The following VPS11 variants were observed in gnomAD, a reference collection of about 807,000 sequenced individuals.
VPS11 encodes VPS11 core subunit of CORVET and HOPS complexes.
In VPS11, 51 loss-of-function variants were observed where a neutral mutation model predicts 106.8. That is an observed-to-expected ratio of 0.48 (90% CI 0.38 to 0.60). VPS11 has a LOEUF of 0.60. VPS11 is among the 20% of genes least tolerant of loss of function. VPS11 has a pLI of 0.00. For synonymous variants in VPS11, 453 were observed against 458.7 expected, an observed-to-expected ratio of 0.99 and a Z score of 0.16; for missense variants, 950 against 1,190.0, an observed-to-expected ratio of 0.80 and a Z score of 2.97.
rs782185125 is a variant in VPS11 at position 119,070,433 on chromosome 11, G to A, written c.636+36G>A. ...GGCCTCCACTCTTAGGAGCAGGCAG[G>A]GAGGGCTTCTCCATTGTTCAGGGGG... On this transcript the variant is annotated intron_variant, in intron 4 of 15. Coordinates refer to ENST00000621676, the MANE Select transcript of VPS11 (RefSeq NM_021729.6). 4 of 1,582,084 alleles carry A rather than the reference G, an allele frequency of 2.5e-6. No homozygotes were observed. The Admixed American group carries it at 5.2e-5, about 21-fold the overall frequency.
At chr11:119,068,170 T>C (rs1055918020) in intron 1 of VPS11, 160 bp downstream of exon 1, 89 of 806,538 alleles carry the variant, frequency 1.1e-4, no homozygotes, top group Non-Finnish European at 1.6e-4. Context: ...AGGAAGTCCA[T>C]CTCCTAACTT....
chr11:119,069,352 C>A lies in VPS11; in HGVS notation c.336+8C>A. 2 of 1,613,892 alleles carry A rather than the reference C, an allele frequency of 1.2e-6. No individual in the cohort carries two copies. Among genetic ancestry groups the A allele is most frequent in the Non-Finnish European group, 1.7e-6 (2 of 1,179,870 alleles). ...GAGGGCATCAACCCCTTGGTGAGTC[C>A]CAGCAGGGAAATGGGAAAGATCCAG... is the stretch of plus-strand genomic sequence containing the variant. On this transcript the variant is annotated splice_region_variant and intron_variant, in intron 2 of 15. Coordinates refer to ENST00000621676, the MANE Select transcript of VPS11 (RefSeq NM_021729.6).
chr11:119,068,076 C>G, intron 1 of VPS11, 66 bp downstream of exon 1: 1 of 1,490,710 alleles, frequency 6.7e-7, no homozygotes, highest in Non-Finnish European at 9.0e-7. Context: ...AGGATGAAAT[C>G]TGTTTGTCGG....
chr11:119,071,160 GC>G (rs1028829537), intron 4 of VPS11, among the ~76,000 whole-genome samples: 31 of 151,738 alleles, frequency 2.0e-4, no homozygotes, highest in Middle Eastern at 6.8e-3. Flanking sequence ...GAACTCCTGG[GC>G]CCAAGCAATC....
At chr11:119,075,453 C>T (rs1945569496) in intron 7 of VPS11, among the ~76,000 whole-genome samples, 2 of 151,148 alleles carry the variant, frequency 1.3e-5, no homozygotes, top group South Asian at 4.2e-4. Context: ...TCCTGTAATC[C>T]CAGCACTTTG....
chr11:119,070,918 T>C (rs1945361203), intron 4 of VPS11: 1 of 131,914 alleles, frequency 7.6e-6, no homozygotes. Context: ...GAATTTTATT[T>C]CTAACTAGCT....
intron 6 of VPS11, 126 bp downstream of exon 6, chr11:119,073,525 AG>A: frequency 8.1e-7 from 1 of 1,233,932 alleles, no homozygotes; most frequent in South Asian, 1.5e-5. Flanking sequence ...CAGCTTCCTT[AG>A]GGTAGGATTA....
chr11:119,075,589 C>T (rs1438410469), intron 7 of VPS11, among the ~76,000 whole-genome samples: 6 of 150,044 alleles, frequency 4.0e-5, no homozygotes. Flanking sequence ...TGGTGGCTCA[C>T]GCCTGTAATC....
chr11:119,080,233 AT>A (rs2134806815), intron 14 of VPS11, among the ~76,000 whole-genome samples: 1 of 151,040 alleles, frequency 6.6e-6, no homozygotes, highest in Non-Finnish European at 1.5e-5. Context: ...TAATTTTTGT[AT>A]TTTTGTAGAG....
At chr11:119,080,365 CA>C (rs200311049) in intron 14 of VPS11, among the ~76,000 whole-genome samples, 6 of 150,584 alleles carry the variant, frequency 4.0e-5, no homozygotes, top group African/African-American at 1.5e-4. Flanking sequence ...GCCAAATAGG[CA>C]AATTTTTTTT....
At position 119,077,820 on chromosome 11, in the gene VPS11, G is replaced by C. The variant is rs940679940; in HGVS notation, c.1573-58G>C. 4.4e-6 allele frequency: 7 copies of C among 1,591,418 alleles called. No homozygotes were observed. In the African/African-American group the frequency reaches 8.1e-5, roughly 18 times the overall value. ...TGAAGACATCTCCAGAATGGTGAAA[G>C]TGCTTCCTGGTGGCTGAGGCAGGAG... is the stretch of plus-strand genomic sequence containing the variant. On this transcript the variant is annotated intron_variant, in intron 9 of 15. Coordinates refer to ENST00000621676, the MANE Select transcript of VPS11 (RefSeq NM_021729.6).
intron 4 of VPS11, chr11:119,070,609 T>TTG (rs1945342539): frequency 3.6e-6 from 1 of 279,706 alleles, no homozygotes; most frequent in African/African-American, 1.1e-4. Flanking sequence ...TGAATTTTCT[T>TTG]TCTTTTTTTT....
Position 119,078,670 on chromosome 11 carries a change from G to A in VPS11, c.2029G>A (p.Asp677Asn), listed in dbSNP as rs532734156. 6.2e-7 allele frequency: 1 copy of A among 1,613,382 alleles called. No homozygotes were observed. The highest frequency in any genetic ancestry group is 1.3e-5 in the African/African-American group (1 of 75,066). ...CCTGTGCCAGATGCACGACTTCCAGGATGGTGTCCTTTACCTTTATGAGCA... is the reference window on the plus strand; with the variant it reads ...CCTGTGCCAGATGCACGACTTCCAGAATGGTGTCCTTTACCTTTATGAGCA... ...LVLCQMHDFQ[D>N]GVLYLYEQGK... The change falls in exon 12 of 16, where the codon GAT becomes AAT. Residue 677 changes from aspartate to asparagine, a missense_variant. Physicochemically the swap from Asp to Asn is conservative, Grantham distance 23 (BLOSUM62 1). Transcript: ENST00000621676.
intron 7 of VPS11, 41 bp from the exon 8 acceptor site, chr11:119,076,856 T>C: frequency 6.2e-7 from 1 of 1,607,020 alleles, no homozygotes; most frequent in Non-Finnish European, 8.5e-7. Flanking sequence ...GCTGGAGAAG[T>C]ACACTGATTC....
chr11:119,080,529 T>C (rs11822671), intron 14 of VPS11, among the ~76,000 whole-genome samples: 16,747 of 151,718 alleles, frequency 0.11, 2,950 homozygotes, highest in African/African-American at 0.37. Flanking sequence ...CCATCATGCC[T>C]GGCTAATCTT....
intron 7 of VPS11, among the ~76,000 whole-genome samples, chr11:119,074,462 A>G (rs1051108380): frequency 2.0e-5 from 3 of 151,658 alleles, no homozygotes; most frequent in East Asian, 3.9e-4. Flanking sequence ...CTGGAGTGCA[A>G]TGGTGTGATC....
At chr11:119,069,128 G>A in intron 1 of VPS11, 68 bp from the exon 2 acceptor site, 1 of 1,586,690 alleles carries the variant, frequency 6.3e-7, no homozygotes, top group Non-Finnish European at 8.6e-7. Flanking sequence ...ACATGTAATT[G>A]TTATCTGAGT....
chr11:119,068,307 G>A (rs1945198965), intron 1 of VPS11: 2 of 402,316 alleles, frequency 5.0e-6, no homozygotes, highest in Non-Finnish European at 4.4e-6. Flanking sequence ...AAGAATGCAA[G>A]TTGGCTTTAA....
rs781799196 is a variant in VPS11 at position 119,081,268 on chromosome 11, GGGCCCA to G, written c.2618_2623del (p.Ala873_Gln874del). The G allele has an allele frequency of 1.3e-4, 202 of 1,613,738 alleles. No individual in the cohort carries two copies. Among genetic ancestry groups the G allele is most frequent in the South Asian group, 2.9e-4 (26 of 91,076 alleles). ...AACCGGAAGGTCATGGATATGATCCGGGCCCAGGAACAGAAACGAGATCTCCATGAT... is the reference window on the plus strand; with the variant it reads ...AACCGGAAGGTCATGGATATGATCCGGGAACAGAAACGAGATCTCCATGAT... On this transcript the variant is annotated inframe_deletion, in exon 15 of 16. Coordinates refer to ENST00000621676, the MANE Select transcript of VPS11 (RefSeq NM_021729.6).
Sources: allele counts gnomAD v4.1 joint callset (sites outside exome capture counted in the v4.1 genomes callset), GRCh38; gene constraint gnomAD v4.1.1; transcripts MANE v1.5; gene names NCBI Gene and HGNC (gene_info 2026-07-23, HGNC 2026-07-21).